The following SAMMSON variants were observed in gnomAD, a reference collection of about 807,000 sequenced individuals.
SAMMSON encodes survival associated mitochondrial melanoma specific oncogenic non-coding RNA.
intron 4 of SAMMSON, among the ~76,000 whole-genome samples, chr3:70,229,682 G>A (rs189540091): frequency 1.4e-4 from 21 of 152,208 alleles, no homozygotes; most frequent in Admixed American, 8.5e-4. Flanking sequence ...ACTCTGATGA[G>A]CCCCTAAAAA....
chr3:70,059,568 T>C (rs1307432736), intron 3 of SAMMSON, among the ~76,000 whole-genome samples: 1 of 152,080 alleles, frequency 6.6e-6, no homozygotes, highest in Non-Finnish European at 1.5e-5. Flanking sequence ...AAGATAAATA[T>C]AGTGGCTTGA....
chr3:70,019,495 C>G (rs1161796578), intron 3 of SAMMSON, among the ~76,000 whole-genome samples: 2 of 152,130 alleles, frequency 1.3e-5, no homozygotes, highest in Non-Finnish European at 2.9e-5. Context: ...TGAGATGGGT[C>G]TCCTGAATAC....
At chr3:70,275,623 C>A (rs1279303854) in intron 6 of SAMMSON, among the ~76,000 whole-genome samples, 1 of 152,202 alleles carries the variant, frequency 6.6e-6, no homozygotes, top group African/African-American at 2.4e-5. Flanking sequence ...AGCTCTGTGA[C>A]CTGGGCAAGT....
intron 3 of SAMMSON, chr3:70,069,403 A>G (rs939670313): frequency 1.3e-5 from 2 of 152,146 alleles, no homozygotes; most frequent in African/African-American, 4.8e-5. Context: ...TTAAGATCTC[A>G]TAGTGCAGCA....
At chr3:70,064,302 AT>A (rs1428902696) in intron 3 of SAMMSON, among the ~76,000 whole-genome samples, 1 of 152,152 alleles carries the variant, frequency 6.6e-6, no homozygotes, top group East Asian at 1.9e-4. Context: ...GTACGTACTA[AT>A]TTGGCAGTCA....
At chr3:70,212,989 T>G (rs1701365790) in intron 4 of SAMMSON, among the ~76,000 whole-genome samples, 1 of 151,980 alleles carries the variant, frequency 6.6e-6, no homozygotes, top group Admixed American at 6.6e-5. Flanking sequence ...TTGTATTTTG[T>G]GCAGAGACTC....
chr3:70,312,480 G>A (rs913019576), intron 7 of SAMMSON: 1 of 152,242 alleles, frequency 6.6e-6, no homozygotes, highest in Non-Finnish European at 1.5e-5. Context: ...CGAACCTTCG[G>A]TGCAGTGCAC....
At chr3:70,225,531 G>A (rs1012026078) in intron 4 of SAMMSON, among the ~76,000 whole-genome samples, 5 of 152,070 alleles carry the variant, frequency 3.3e-5, no homozygotes, top group Non-Finnish European at 5.9e-5. Context: ...AGAAAGCAAC[G>A]GTGTGTCAAG....
In SAMMSON at chr3:70,209,055, T is replaced by C. The variant is rs1373321970; in HGVS notation, n.508-40052T>C. Among the ~76,000 whole-genome samples the C allele has an allele frequency of 7.2e-5, 11 of 152,194 alleles. 2 individuals are homozygous for C. The South Asian group carries it at 1.7e-3, about 23-fold the overall frequency. ...AGAGGGATTCACCAAATTAATGATA[T>C]AATGATGATGATGGTGATGAAAATC... On this transcript the variant is annotated intron_variant and non_coding_transcript_variant, in intron 4 of 9. Transcript: ENST00000642114.
intron 4 of SAMMSON, among the ~76,000 whole-genome samples, chr3:70,104,672 A>G (rs569646739): frequency 3.3e-5 from 5 of 152,286 alleles, no homozygotes; most frequent in African/African-American, 7.2e-5. Context: ...AAAATGCAAA[A>G]CTGTCATAAG....
At chr3:70,206,934 T>C in intron 4 of SAMMSON, 2 of 393,538 alleles carry the variant, frequency 5.1e-6, no homozygotes, top group South Asian at 1.4e-4. Flanking sequence ...AGCAAGACAA[T>C]TTTGAATAAA....
chr3:70,048,258 C>A (rs1197627726), intron 3 of SAMMSON, among the ~76,000 whole-genome samples: 1 of 152,002 alleles, frequency 6.6e-6, no homozygotes, highest in Non-Finnish European at 1.5e-5. Context: ...GGTAAATAAA[C>A]AAATTAAGGT....
chr3:70,377,543 G>A (rs552571407), intron 9 of SAMMSON, among the ~76,000 whole-genome samples: 3 of 152,144 alleles, frequency 2.0e-5, no homozygotes, highest in Admixed American at 1.3e-4. Flanking sequence ...AACCTGATAA[G>A]AGAATTTAGA....
intron 4 of SAMMSON, among the ~76,000 whole-genome samples, chr3:70,237,547 T>C (rs141987631): frequency 6.6e-6 from 1 of 152,366 alleles, no homozygotes; most frequent in African/African-American, 2.4e-5. Context: ...TTACACCTCT[T>C]ACTCTTCTTC....
At chr3:70,422,881 A>G (rs1701323563) in intron 2 of SAMMSON, among the ~76,000 whole-genome samples, 1 of 152,046 alleles carries the variant, frequency 6.6e-6, no homozygotes, top group Non-Finnish European at 1.5e-5. Flanking sequence ...ATCATCTAAT[A>G]TGATTATCTC....
At chr3:70,216,925 C>T (rs1701417130) in intron 4 of SAMMSON, among the ~76,000 whole-genome samples, 1 of 152,172 alleles carries the variant, frequency 6.6e-6, no homozygotes, top group South Asian at 2.1e-4. Context: ...CCCTTCCCCT[C>T]ACCACCAAAA....
intron 4 of SAMMSON, among the ~76,000 whole-genome samples, chr3:70,204,165 T>G (rs1430991670): frequency 6.6e-6 from 1 of 152,204 alleles, no homozygotes; most frequent in African/African-American, 2.4e-5. Flanking sequence ...TAAGCATCTA[T>G]TACTATGCAC....
intron 4 of SAMMSON, among the ~76,000 whole-genome samples, chr3:70,117,084 G>A (rs920010374): frequency 5.3e-5 from 8 of 152,162 alleles, no homozygotes; most frequent in Admixed American, 4.6e-4. Context: ...TGAACTGAAT[G>A]TCAGGAATAA....
intron 3 of SAMMSON, among the ~76,000 whole-genome samples, chr3:70,044,712 T>C (rs2067117635): frequency 6.6e-6 from 1 of 151,730 alleles, no homozygotes; most frequent in South Asian, 2.1e-4. Context: ...CTGGAAGTTC[T>C]TCTAAGCAAT....
Sources: allele counts gnomAD v4.1 joint callset (sites outside exome capture counted in the v4.1 genomes callset), GRCh38; gene constraint gnomAD v4.1.1; transcripts MANE v1.5; gene names NCBI Gene and HGNC (gene_info 2026-07-23, HGNC 2026-07-21).